NUBPL: variants seen among roughly 807,000 people sequenced by gnomAD.
The protein encoded by NUBPL is NUBP iron-sulfur cluster assembly factor, mitochondrial, also known as iron-sulfur cluster transfer protein NUBPL.
NUBPL carries 31 observed loss-of-function variants against 45.7 expected under a neutral mutation model. The ratio of observed to expected loss-of-function variants is 0.68; its 90% CI spans 0.51 to 0.92. The LOEUF (loss-of-function observed/expected upper bound fraction) is 0.92, where lower values mean the gene tolerates loss of function less well. Ranked by LOEUF, NUBPL falls within the 40% of genes least tolerant of loss-of-function variation. The pLI is 0.00. For synonymous variants in NUBPL, 144 were observed against 140.9 expected (o/e 1.02, Z -0.15); for missense variants, 401 against 398.7 (o/e 1.01, Z -0.05).
At chr14:31,813,905 T>A (rs866804453) in intron 7 of NUBPL, among the ~76,000 whole-genome samples, 3 of 152,238 alleles carry the variant, frequency 2.0e-5, no homozygotes, top group African/African-American at 7.2e-5. Context: ...ATGGTGTATA[T>A]GTGCCACTTT....
intron 4 of NUBPL, among the ~76,000 whole-genome samples, chr14:31,658,846 A>G (rs1030223263): frequency 4.6e-5 from 7 of 152,302 alleles, no homozygotes; most frequent in South Asian, 2.1e-4. Flanking sequence ...TTAGCTGTTT[A>G]CAGAATTGTT....
chr14:31,562,408 T>A (rs1595278149), intron 2 of NUBPL, among the ~76,000 whole-genome samples, 193 bp downstream of exon 2: 2 of 152,090 alleles, frequency 1.3e-5, no homozygotes, highest in African/African-American at 4.8e-5. Flanking sequence ...ACTAGCCGGG[T>A]CTCCCACCCC....
At chr14:31,605,047 C>T (rs979544400) in intron 4 of NUBPL, among the ~76,000 whole-genome samples, 4 of 152,278 alleles carry the variant, frequency 2.6e-5, no homozygotes, top group African/African-American at 4.8e-5. Context: ...AAAACCTAAA[C>T]GTCCTTGGAG....
At chr14:31,562,604 G>GTTTTTTTT (rs34451286) in intron 2 of NUBPL, among the ~76,000 whole-genome samples, 1 of 119,774 alleles carries the variant, frequency 8.3e-6, no homozygotes, top group Non-Finnish European at 1.6e-5. Context: ...TTTTTTTTTT[G>GTTTTTTTT]TTTTTTTTTT....
chr14:31,704,517 G>T, intron 6 of NUBPL, among the ~76,000 whole-genome samples: 1 of 152,146 alleles, frequency 6.6e-6, no homozygotes. Flanking sequence ...TACAAAATTA[G>T]CCAGGCATGG....
intron 6 of NUBPL, among the ~76,000 whole-genome samples, chr14:31,746,024 C>G (rs4981898): frequency 0.46 from 69,689 of 151,752 alleles, 17,438 homozygotes; most frequent in African/African-American, 0.66. Flanking sequence ...AGCTGCCCCT[C>G]ACCCCGCTCA....
At chr14:31,836,028 T>C (rs975027293) in intron 8 of NUBPL, among the ~76,000 whole-genome samples, 2 of 152,222 alleles carry the variant, frequency 1.3e-5, no homozygotes, top group Non-Finnish European at 1.5e-5. Flanking sequence ...TGCTTGTTAC[T>C]TACCTGTATC....
intron 4 of NUBPL, among the ~76,000 whole-genome samples, chr14:31,640,394 G>A (rs549350855): frequency 3.9e-5 from 6 of 152,274 alleles, no homozygotes; most frequent in Middle Eastern, 6.8e-3. Flanking sequence ...GAGGGCAGGA[G>A]TTTGAAACCA....
chr14:31,789,839 G>A (rs1243230056), intron 7 of NUBPL, among the ~76,000 whole-genome samples: 3 of 151,164 alleles, frequency 2.0e-5, no homozygotes, highest in Non-Finnish European at 4.4e-5. Context: ...AAGGCAGGCT[G>A]TAAAATATGA....
intron 6 of NUBPL, among the ~76,000 whole-genome samples, chr14:31,718,625 C>A (rs2139943397): frequency 6.6e-6 from 1 of 152,186 alleles, no homozygotes; most frequent in Non-Finnish European, 1.5e-5. Context: ...TATTACATTA[C>A]TTATATAATT....
intron 6 of NUBPL, among the ~76,000 whole-genome samples, chr14:31,732,953 C>A (rs1018170177): frequency 6.6e-6 from 1 of 152,028 alleles, no homozygotes; most frequent in Non-Finnish European, 1.5e-5. Flanking sequence ...CCTAAGACAA[C>A]TTTGCCTATC....
intron 6 of NUBPL, among the ~76,000 whole-genome samples, chr14:31,755,134 T>C (rs1219471305): frequency 6.6e-6 from 1 of 152,076 alleles, no homozygotes; most frequent in Non-Finnish European, 1.5e-5. Flanking sequence ...ATCTTTGCTA[T>C]TGTGAATAGT....
intron 6 of NUBPL, among the ~76,000 whole-genome samples, chr14:31,704,977 G>C (rs938474489): frequency 6.6e-6 from 1 of 152,176 alleles, no homozygotes; most frequent in Non-Finnish European, 1.5e-5. Context: ...TGGGTTTGTG[G>C]TCTCGCTGAC....
intron 7 of NUBPL, among the ~76,000 whole-genome samples, chr14:31,821,289 C>T (rs2040014348): frequency 6.6e-6 from 1 of 152,080 alleles, no homozygotes; most frequent in East Asian, 1.9e-4. Context: ...AACTACTCAA[C>T]TGACAAAGGA....
chr14:31,844,241 TATACCCTCACAA>T (rs2040419243), intron 8 of NUBPL: 1 of 152,232 alleles, frequency 6.6e-6, no homozygotes, highest in African/African-American at 2.4e-5. Flanking sequence ...TGAATTGAAA[TATACCCTCACAA>T]AGATTTTCAC....
chr14:31,700,911 C>CCG (rs1247570974), intron 6 of NUBPL, among the ~76,000 whole-genome samples: 1 of 152,174 alleles, frequency 6.6e-6, no homozygotes, highest in Non-Finnish European at 1.5e-5. Context: ...GTCCCATCGA[C>CCG]CGCCCAAGGG....
intron 4 of NUBPL, among the ~76,000 whole-genome samples, chr14:31,602,222 C>G (rs568462949): frequency 2.6e-5 from 4 of 151,684 alleles, no homozygotes; most frequent in South Asian, 4.2e-4. Context: ...GGGAAGATCA[C>G]ACTCTGGGGA....
chr14:31,792,446 A>G (rs1308656275), intron 7 of NUBPL, among the ~76,000 whole-genome samples: 1 of 150,810 alleles, frequency 6.6e-6, no homozygotes, highest in Non-Finnish European at 1.5e-5. Flanking sequence ...TATAGCCCCA[A>G]GTGATTCTTG....
chr14:31,642,649 G>C (rs959109440), intron 4 of NUBPL, among the ~76,000 whole-genome samples: 1 of 152,056 alleles, frequency 6.6e-6, no homozygotes, highest in Admixed American at 6.5e-5. Flanking sequence ...TTTGTGCTCA[G>C]GGTTGTTTTG....
Sources: allele counts gnomAD v4.1 joint callset (sites outside exome capture counted in the v4.1 genomes callset), GRCh38; gene constraint gnomAD v4.1.1; transcripts MANE v1.5; gene names NCBI Gene and HGNC (gene_info 2026-07-23, HGNC 2026-07-21).